Variants in PRKG1 observed in about 807,000 individuals in gnomAD.
PRKG1 encodes cGMP-dependent protein kinase 1.
In PRKG1, 35 loss-of-function variants were observed where a neutral mutation model predicts 88.1. That is an observed-to-expected ratio of 0.40 (90% confidence interval 0.30 to 0.53). PRKG1 has a LOEUF of 0.53. Ranked by LOEUF, PRKG1 falls within the 20% of genes least tolerant of loss-of-function variation. The pLI, the probability that PRKG1 is intolerant of heterozygous loss-of-function variation, is 0.59. For synonymous variants in PRKG1, 303 were observed against 292.5 expected, an observed-to-expected ratio of 1.04 and a Z score of -0.37; for missense variants, 540 against 839.8, an observed-to-expected ratio of 0.64 and a Z score of 4.41.
At chr10:51,275,583 T>A in intron 2 of PRKG1, among the ~76,000 whole-genome samples, 1 of 152,338 alleles carries the variant, frequency 6.6e-6, no homozygotes, top group Middle Eastern at 3.4e-3. Context: ...TAAATTAAAT[T>A]CAGTTTAAGA....
At chr10:52,183,644 T>TG (rs1839105041) in intron 9 of PRKG1, among the ~76,000 whole-genome samples, 1 of 152,192 alleles carries the variant, frequency 6.6e-6, no homozygotes, top group Non-Finnish European at 1.5e-5. Context: ...GGAGCCCCAC[T>TG]GCTGGATAAA....
chr10:52,046,960 A>C (rs140398200), intron 5 of PRKG1: 10 of 152,060 alleles, frequency 6.6e-5, no homozygotes, highest in African/African-American at 2.4e-4. Flanking sequence ...AATGTGGGGA[A>C]GTGTTGGATG....
At chr10:51,011,792 G>A (rs4430460) in intron 1 of PRKG1, among the ~76,000 whole-genome samples, 3 of 152,304 alleles carry the variant, frequency 2.0e-5, no homozygotes, top group Admixed American at 2.0e-4. Flanking sequence ...GTATATTTGA[G>A]GAAAGGTAGT....
In PRKG1 at chr10:52,204,100, A is replaced by T. The variant is rs201800037; in HGVS notation, c.1076+42137A>T. On this transcript the variant is annotated intron_variant, in intron 9 of 17. Coordinates refer to ENST00000373980, the MANE Select transcript of PRKG1 (RefSeq NM_006258.4). ...TATTATTATTATTATTATTATTATT[A>T]TTATTATTTTTTGTTTTTGAGATGG... 2.6e-3 allele frequency among the ~76,000 whole-genome samples: 327 copies of T among 127,486 alleles called. 2 individuals are homozygous for T. The highest frequency in any genetic ancestry group is 0.014 in the South Asian group (51 of 3,526). The allele number at this position is 127,486 out of a possible 152,430, so 83.6% of individuals were successfully genotyped here. A position where few individuals can be genotyped will look rare whatever the true frequency, so the allele number is the denominator to read the frequency against.
At chr10:51,481,476 T>A (rs1425710894) in intron 3 of PRKG1, among the ~76,000 whole-genome samples, 1 of 152,112 alleles carries the variant, frequency 6.6e-6, no homozygotes, top group Non-Finnish European at 1.5e-5. Context: ...CTCTAACCCA[T>A]GGCCTCAGAT....
chr10:51,904,957 A>G (rs1283217153), intron 4 of PRKG1, among the ~76,000 whole-genome samples: 1 of 152,174 alleles, frequency 6.6e-6, no homozygotes, highest in Non-Finnish European at 1.5e-5. Context: ...TAGGTGTAGT[A>G]TAATAGGAAT....
chr10:51,014,195 C>G (rs1296193000), intron 1 of PRKG1, among the ~76,000 whole-genome samples: 1 of 152,158 alleles, frequency 6.6e-6, no homozygotes, highest in Non-Finnish European at 1.5e-5. Flanking sequence ...GCTTTTGGCT[C>G]TCTTTTTAAA....
At chr10:51,720,870 T>C (rs935402202) in intron 3 of PRKG1, among the ~76,000 whole-genome samples, 2 of 152,086 alleles carry the variant, frequency 1.3e-5, no homozygotes, top group African/African-American at 4.8e-5. Flanking sequence ...TGCTGAGATA[T>C]TGATTACTAA....
At chr10:51,266,606 C>G (rs1044405442) in intron 2 of PRKG1, among the ~76,000 whole-genome samples, 1 of 152,176 alleles carries the variant, frequency 6.6e-6, no homozygotes, top group Admixed American at 6.5e-5. Context: ...AAATAAGCAG[C>G]TTTTGCCTGT....
chr10:51,845,511 C>G (rs1463752586), intron 4 of PRKG1, among the ~76,000 whole-genome samples: 1 of 152,110 alleles, frequency 6.6e-6, no homozygotes, highest in Non-Finnish European at 1.5e-5. Context: ...ATGGTTTTCT[C>G]ATATGTAAAA....
At chr10:51,812,875 A>G (rs986219670) in intron 4 of PRKG1, among the ~76,000 whole-genome samples, 3 of 152,016 alleles carry the variant, frequency 2.0e-5, no homozygotes, top group Non-Finnish European at 2.9e-5. Context: ...GTTCTTGTGT[A>G]GTTGTAAGAG....
intron 3 of PRKG1, among the ~76,000 whole-genome samples, chr10:51,710,316 G>T (rs544009782): frequency 6.6e-6 from 1 of 152,182 alleles, no homozygotes; most frequent in African/African-American, 2.4e-5. Flanking sequence ...AAATGAAAAT[G>T]TAACTGCTGT....
At chr10:51,553,036 T>A (rs1837181272) in intron 3 of PRKG1, among the ~76,000 whole-genome samples, 1 of 151,646 alleles carries the variant, frequency 6.6e-6, no homozygotes. Context: ...TTTTTAAAAA[T>A]TTCATCTGGC....
chr10:51,785,339 C>T (rs1838700808), intron 3 of PRKG1, among the ~76,000 whole-genome samples: 1 of 151,874 alleles, frequency 6.6e-6, no homozygotes, highest in South Asian at 2.1e-4. Flanking sequence ...TAACCCTGAC[C>T]ATGGACGTTT....
At chr10:52,081,918 G>A (rs1007497057) in intron 7 of PRKG1, among the ~76,000 whole-genome samples, 2 of 152,088 alleles carry the variant, frequency 1.3e-5, no homozygotes, top group African/African-American at 4.8e-5. Context: ...TGGATAAACT[G>A]ACCATTTAAT....
chr10:51,257,705 C>T (rs758746715), intron 2 of PRKG1, among the ~76,000 whole-genome samples: 1 of 151,604 alleles, frequency 6.6e-6, no homozygotes, highest in Admixed American at 6.6e-5. Context: ...TTTTTTTCCA[C>T]CAAGTTCTGA....
At position 51,274,823 on chromosome 10, in the gene PRKG1, T is replaced by C. The variant is rs541620010; in HGVS notation, c.478+121493T>C. Among the ~76,000 whole-genome samples, 5 of 152,368 alleles carry C rather than the reference T, an allele frequency of 3.3e-5. No individual in the cohort carries two copies. The East Asian group carries it at 7.7e-4, about 24-fold the overall frequency. ...GAAGAGTTGCACTTTATTTCACTCA[T>C]ACTTAACTGCAAAAAAGTGGGCAGT... On this transcript the variant is annotated intron_variant, in intron 2 of 17. Coordinates refer to ENST00000373980, the MANE Select transcript of PRKG1 (RefSeq NM_006258.4).
chr10:52,287,231 A>C (rs1382841979), intron 14 of PRKG1, among the ~76,000 whole-genome samples: 1 of 152,064 alleles, frequency 6.6e-6, no homozygotes, highest in Admixed American at 6.6e-5. Context: ...CAATCATAGA[A>C]TCAACTAAAG....
At chr10:51,171,753 T>G (rs745725782) in intron 2 of PRKG1, among the ~76,000 whole-genome samples, 12 of 152,218 alleles carry the variant, frequency 7.9e-5, no homozygotes, top group Non-Finnish European at 1.3e-4. Context: ...TTTGCCATAT[T>G]TGTTTCACTT....
Sources: gnomAD v4.1 joint callset for allele counts (sites outside exome capture counted in the v4.1 genomes callset) on GRCh38, gnomAD v4.1.1 for gene constraint, MANE v1.5 for transcripts, NCBI Gene and HGNC (gene_info 2026-07-23, HGNC 2026-07-21) for gene names.